Variants in SPATA9 observed in about 807,000 individuals in gnomAD.
SPATA9 encodes the protein spermatogenesis-associated protein 9.
A neutral mutation model predicts 25.5 loss-of-function variants in SPATA9; 27 were observed. The observed-to-expected ratio is 1.06, with a 90% CI of 0.78 to 1.46. The LOEUF (loss-of-function observed/expected upper bound fraction) is 1.46, where lower values mean the gene tolerates loss of function less well. Among genes scored for constraint, SPATA9 ranks in the 40% most tolerant of loss-of-function variants. The pLI is 0.00. For missense variants in SPATA9, 282 were observed against 297.5 expected (o/e 0.95, Z 0.38); for synonymous variants, 102 against 105.7 (o/e 0.97, Z 0.21).
Position 95,673,729 on chromosome 5 carries a change from C to CT in SPATA9, c.378+1682dup, listed in dbSNP as rs915896598. 5.6e-4 allele frequency among the ~76,000 whole-genome samples: 85 copies of CT among 151,008 alleles called. 1 individual carries two copies. The highest frequency in any genetic ancestry group is 3.4e-3 in the Middle Eastern group (1 of 292). ...TGTTTCTTTTTTGCTTTTTATTTTCCTTTTTTTTCTTTTTCTTTTTTTCTT... is the reference window on the plus strand; with the variant it reads ...TGTTTCTTTTTTGCTTTTTATTTTCCTTTTTTTTTCTTTTTCTTTTTTTCTT... On this transcript the variant is annotated intron_variant, in intron 3 of 4. Coordinates refer to ENST00000274432, the MANE Select transcript of SPATA9 (RefSeq NM_031952.4).
At chr5:95,731,813 C>T in the SPATA9 span, 60 of 1,599,942 alleles carry the variant, frequency 3.8e-5, no homozygotes, top group African/African-American at 7.8e-4. Context: ...GAGACCCGCG[C>T]GCTGACCGTG....
chr5:95,714,298 G>GCCAT, the SPATA9 span, among the ~76,000 whole-genome samples: 1 of 152,140 alleles, frequency 6.6e-6, no homozygotes. Context: ...AATCACTGAA[G>GCCAT]CCATGAGAGC....
At chr5:95,710,705 G>C in the SPATA9 span, among the ~76,000 whole-genome samples, 21 of 152,288 alleles carry the variant, frequency 1.4e-4, no homozygotes, top group Admixed American at 1.2e-3. Context: ...CGAAAAGCCT[G>C]TTCTTCTGTG....
the SPATA9 span, chr5:95,717,866 C>T: frequency 1.3e-5 from 2 of 152,158 alleles, no homozygotes; most frequent in African/African-American, 2.4e-5. Context: ...TTTCCTTGAT[C>T]TAAATGACAG....
the SPATA9 span, chr5:95,717,727 A>C: frequency 2.0e-5 from 3 of 152,288 alleles, no homozygotes; most frequent in South Asian, 2.1e-4. Context: ...GAAGAGGAAG[A>C]ACGGGCCTGG....
At chr5:95,704,056 T>C in the SPATA9 span, among the ~76,000 whole-genome samples, 1 of 150,600 alleles carries the variant, frequency 6.6e-6, no homozygotes, top group Admixed American at 6.6e-5. Flanking sequence ...ACAGTGCATA[T>C]ACACACATAC....
chr5:95,705,656 C>T, the SPATA9 span, among the ~76,000 whole-genome samples: 18 of 151,896 alleles, frequency 1.2e-4, no homozygotes, highest in Non-Finnish European at 2.5e-4. Flanking sequence ...TGCTTTAAAC[C>T]CAACTCTATA....
At chr5:95,679,381 T>C (rs566117334) in intron 2 of SPATA9, among the ~76,000 whole-genome samples, 1 of 152,262 alleles carries the variant, frequency 6.6e-6, no homozygotes, top group East Asian at 1.9e-4. Context: ...TTCCAGTGTT[T>C]CAAAAGACTT....
chr5:95,677,699 G>C (rs1288031895), intron 2 of SPATA9, among the ~76,000 whole-genome samples: 1 of 152,010 alleles, frequency 6.6e-6, no homozygotes, highest in African/African-American at 2.4e-5. Flanking sequence ...AAAATTTTTG[G>C]CATGGATTCT....
At position 95,695,993 on chromosome 5, in the gene SPATA9, A is replaced by C. The variant is rs368229641; in HGVS notation, n.124+2595T>G. 2.0e-5 allele frequency among the ~76,000 whole-genome samples: 3 copies of C among 152,356 alleles called. No homozygotes were observed. In the East Asian group the frequency reaches 5.8e-4, roughly 29 times the overall value. On this transcript the variant is annotated intron_variant and non_coding_transcript_variant, in intron 1 of 2. Coordinates refer to the SPATA9 transcript ENST00000379990. The stretch of plus-strand genomic sequence containing the variant: ...TACCATGTTGAGAGCTGTCCTATGG[A>C]AAGATCCATGTGGCAAGGAACCAAT...
intron 3 of SPATA9, among the ~76,000 whole-genome samples, chr5:95,673,743 T>G (rs1008759082): frequency 8.7e-5 from 13 of 149,916 alleles, no homozygotes; most frequent in Non-Finnish European, 1.9e-4. Flanking sequence ...TTTTTCTTTT[T>G]CTTTTTTTCT....
the SPATA9 span, among the ~76,000 whole-genome samples, chr5:95,723,244 T>C: frequency 6.6e-6 from 1 of 152,220 alleles, no homozygotes; most frequent in African/African-American, 2.4e-5. Flanking sequence ...GTTCAAAAAT[T>C]TGTGTTGGGC....
At chr5:95,711,626 C>A in the SPATA9 span, among the ~76,000 whole-genome samples, 1 of 152,146 alleles carries the variant, frequency 6.6e-6, no homozygotes, top group East Asian at 1.9e-4. Flanking sequence ...TATGGGACGA[C>A]CCTAAGGGAG....
At chr5:95,730,751 C>A in the SPATA9 span, 1 of 360,240 alleles carries the variant, frequency 2.8e-6, no homozygotes, top group East Asian at 9.1e-5. Flanking sequence ...AAATAATCCC[C>A]CCAAGGCGAC....
chr5:95,664,010 T>C lies in SPATA9; in HGVS notation c.417A>G (p.Pro139=). 6.3e-7 allele frequency: 1 copy of C among 1,598,462 alleles called. No homozygotes were observed. Among genetic ancestry groups the C allele is most frequent in the South Asian group, 1.1e-5 (1 of 88,398 alleles). The change falls in exon 4 of 5, where the codon CCA becomes CCG. Residue 139 remains proline (P), a synonymous_variant. Transcript: ENST00000274432. ...KGSLFEIISF[P]AKTALTSIIY... is the part of the protein sequence containing the mutation. ...TTATGCTAGTTAAAGCAGTCTTTGC[T>C]GGAAAGGAGATGATTTCAAACAAAG...
At chr5:95,700,171 T>C (rs546067910), upstream of SPATA9, among the ~76,000 whole-genome samples, 51 of 152,206 alleles carry the variant, frequency 3.4e-4, no homozygotes, top group Non-Finnish European at 6.6e-4. Flanking sequence ...CCACCTATAG[T>C]TTATAATATT....
chr5:95,661,866 C>A (rs1751298144), intron 4 of SPATA9, among the ~76,000 whole-genome samples: 1 of 151,632 alleles, frequency 6.6e-6, no homozygotes, highest in African/African-American at 2.4e-5. Flanking sequence ...CTGCTTGGCT[C>A]TTAATTGGGA....
intron 2 of SPATA9, among the ~76,000 whole-genome samples, chr5:95,679,587 C>T (rs113324857): frequency 3.0e-3 from 457 of 152,326 alleles, no homozygotes; most frequent in Non-Finnish European, 5.7e-3. Context: ...CCTCCTCAAA[C>T]ACTAGACCCA....
At chr5:95,716,501 G>A in the SPATA9 span, among the ~76,000 whole-genome samples, 7 of 152,364 alleles carry the variant, frequency 4.6e-5, no homozygotes, top group East Asian at 1.9e-4. Context: ...TTTACCCAAT[G>A]TCTGTACCCC....
Sources: allele counts gnomAD v4.1 joint callset (sites outside exome capture counted in the v4.1 genomes callset), GRCh38; gene constraint gnomAD v4.1.1; transcripts MANE v1.5; gene names NCBI Gene and HGNC (gene_info 2026-07-23, HGNC 2026-07-21).